PCID2: variants seen among roughly 807,000 people sequenced by gnomAD.
The protein encoded by PCID2 is PCI domain-containing protein 2.
PCID2 carries 41 observed loss-of-function variants against 61.3 expected under a neutral mutation model. The ratio of observed to expected loss-of-function variants is 0.67; its 90% confidence interval spans 0.52 to 0.87. The LOEUF is 0.87. PCID2 is among the 40% of genes least tolerant of loss of function. The probability of loss-of-function intolerance (pLI) is 0.00; values close to 1 mark genes in which losing one functional copy is unlikely to be tolerated. For synonymous variants in PCID2, 187 were observed against 177.8 expected (o/e 1.05, Z -0.41); for missense variants, 392 against 493.4 (o/e 0.79, Z 1.95).
chr13:113,189,992 C>A (rs2038465172), intron 7 of PCID2, among the ~76,000 whole-genome samples: 1 of 150,084 alleles, frequency 6.7e-6, no homozygotes, highest in South Asian at 2.1e-4. Context: ...CACTGCACTC[C>A]AGCCTGGGCG....
chr13:113,178,912 T>C, intron 13 of PCID2, 54 bp downstream of exon 13: 6 of 1,554,936 alleles, frequency 3.9e-6, no homozygotes, highest in Non-Finnish European at 5.2e-6. Flanking sequence ...CTTCAAATTC[T>C]GGGCTGAATC....
At chr13:113,197,044 T>C in intron 4 of PCID2, 134 bp downstream of exon 4, 2 of 1,614,148 alleles carry the variant, frequency 1.2e-6, no homozygotes, top group Non-Finnish European at 1.7e-6. Flanking sequence ...GAAACGAGCT[T>C]CTGTTCCAAA....
the PCID2 span, chr13:113,170,421 A>C: frequency 1.6e-5 from 26 of 1,591,298 alleles, no homozygotes; most frequent in African/African-American, 3.5e-4. Flanking sequence ...AGGTAAAGTT[A>C]ACAAATTCCG....
At chr13:113,197,878 C>T (rs965870831) in intron 3 of PCID2, among the ~76,000 whole-genome samples, 1 of 152,152 alleles carries the variant, frequency 6.6e-6, no homozygotes, top group Non-Finnish European at 1.5e-5. Context: ...AATTTCTTTC[C>T]CAGTAACGTA....
chr13:113,178,851 C>CA (rs1014653629), intron 13 of PCID2, 115 bp downstream of exon 13: 1,750 of 971,436 alleles, frequency 1.8e-3, no homozygotes, highest in Non-Finnish European at 2.0e-3. Context: ...TTAGTTCTAT[C>CA]AAAAAAAAAG....
intron 2 of PCID2, among the ~76,000 whole-genome samples, 158 bp from the exon 3 acceptor site, chr13:113,198,422 G>A (rs901131483): frequency 3.9e-5 from 6 of 152,176 alleles, no homozygotes; most frequent in African/African-American, 1.2e-4. Flanking sequence ...GGTTCAGGCC[G>A]TGAGCACAGT....
At chr13:113,200,906 C>T (rs773539364) in intron 1 of PCID2, among the ~76,000 whole-genome samples, 3 of 151,750 alleles carry the variant, frequency 2.0e-5, no homozygotes, top group South Asian at 2.1e-4. Context: ...TAGCAAGACC[C>T]GTCTCTTTAA....
chr13:113,208,421 C>T (rs1008145563), intron 1 of PCID2, 178 bp downstream of exon 1: 3 of 1,488,192 alleles, frequency 2.0e-6, no homozygotes, highest in Non-Finnish European at 2.7e-6. Flanking sequence ...GAACTCGGGC[C>T]GCCTTCCCGA....
chr13:113,171,963 G>C, the PCID2 span: 16 of 1,613,566 alleles, frequency 9.9e-6, no homozygotes, highest in Non-Finnish European at 1.4e-5. The surrounding 1 kb of genome is among the most constrained non-coding windows in gnomAD (Gnocchi z 5.1). Context: ...TGGATGGATG[G>C]AAGTGTGGTC....
At chr13:113,203,783 C>T (rs2039603043) in intron 1 of PCID2, among the ~76,000 whole-genome samples, 1 of 152,206 alleles carries the variant, frequency 6.6e-6, no homozygotes, top group South Asian at 2.1e-4. Context: ...GCCAGGCAGG[C>T]ACACTGCGTC....
chr13:113,187,050 T>C (rs1161839956), intron 7 of PCID2: 1 of 152,250 alleles, frequency 6.6e-6, no homozygotes, highest in Non-Finnish European at 1.5e-5. Context: ...TCTATGACTT[T>C]TATCATTCCC....
intron 7 of PCID2, chr13:113,186,372 G>A (rs562755066): frequency 1.3e-5 from 2 of 152,404 alleles, no homozygotes; most frequent in South Asian, 4.1e-4. Context: ...AGAACCTAGG[G>A]GAGGGTGTGC....
At chr13:113,192,265 A>G (rs964420926) in intron 6 of PCID2, among the ~76,000 whole-genome samples, 1 of 152,214 alleles carries the variant, frequency 6.6e-6, no homozygotes, top group Non-Finnish European at 1.5e-5. Flanking sequence ...ATAAATAAAT[A>G]AAATGTCCTT....
At chr13:113,198,357 G>T in intron 2 of PCID2, 93 bp from the exon 3 acceptor site, 1 of 777,786 alleles carries the variant, frequency 1.3e-6, no homozygotes, top group Non-Finnish European at 2.1e-6. Context: ...TGTTTCAAGA[G>T]AATTTATGCT....
At chr13:113,175,891 G>A (rs374932769), downstream of PCID2, among the ~76,000 whole-genome samples, 2 of 152,240 alleles carry the variant, frequency 1.3e-5, no homozygotes, top group Non-Finnish European at 2.9e-5. Flanking sequence ...AGCTCCCTAC[G>A]TGTGGAGAGA....
In PCID2 at chr13:113,191,165, T is replaced by G. The variant is rs565398032; in HGVS notation, c.364-190A>C. On this transcript the variant is annotated intron_variant, in intron 6 of 13. Transcript: ENST00000337344. Reference sequence around the variant, plus strand: ...AGGTACTACCATGCCTGGCTAGTTTTGGGTTTTGTTTTTTTAAAATTTATT... The same window carrying G: ...AGGTACTACCATGCCTGGCTAGTTTGGGGTTTTGTTTTTTTAAAATTTATT... Among the ~76,000 whole-genome samples, 5 of 152,186 alleles carry G rather than the reference T, an allele frequency of 3.3e-5. No homozygotes were observed. The South Asian group carries it at 1.0e-3, about 32-fold the overall frequency.
intron 7 of PCID2, chr13:113,186,320 C>A (rs2038106911): frequency 2.0e-5 from 3 of 152,248 alleles, no homozygotes; most frequent in South Asian, 4.1e-4. Context: ...TAGTTCACTG[C>A]ATGCAAATTT....
chr13:113,183,704 A>C, intron 9 of PCID2: 1 of 943,090 alleles, frequency 1.1e-6, no homozygotes, highest in Non-Finnish European at 1.3e-6. Flanking sequence ...TGAGCACAAG[A>C]GAAGAGATCA....
chr13:113,178,729 G>T (rs989958307), intron 13 of PCID2, among the ~76,000 whole-genome samples: 1 of 152,172 alleles, frequency 6.6e-6, no homozygotes, highest in East Asian at 1.9e-4. Context: ...GGGGGTTGGA[G>T]AATCGACAGA....
Sources: gnomAD v4.1 joint callset for allele counts (sites outside exome capture counted in the v4.1 genomes callset) on GRCh38, gnomAD v4.1.1 for gene constraint, Gnocchi (gnomAD v3.1) non-coding constraint, MANE v1.5 for transcripts, NCBI Gene and HGNC (gene_info 2026-07-23, HGNC 2026-07-21) for gene names.